CACNA2D3: variants seen among roughly 807,000 people sequenced by gnomAD.
The protein encoded by CACNA2D3 is calcium voltage-gated channel auxiliary subunit alpha2delta 3.
A neutral mutation model predicts 160.6 loss-of-function variants in CACNA2D3; 60 were observed. The observed-to-expected ratio is 0.37, with a 90% CI of 0.30 to 0.46. CACNA2D3 has a LOEUF of 0.46. Among genes scored for constraint, CACNA2D3 ranks in the 20% least tolerant of loss-of-function variants. The pLI is 1.00. For synonymous variants in CACNA2D3, 558 were observed against 492.9 expected (o/e 1.13, Z -1.75); for missense variants, 1,205 against 1,365.0 (o/e 0.88, Z 1.85).
intron 17 of CACNA2D3, among the ~76,000 whole-genome samples, chr3:54,858,674 A>T (rs1467346607): frequency 6.6e-6 from 1 of 152,142 alleles, no homozygotes; most frequent in Non-Finnish European, 1.5e-5. Flanking sequence ...AGACTTTCCC[A>T]AAGAGCACAT....
chr3:54,458,153 T>C lies in CACNA2D3; in HGVS notation c.382-45339T>C, dbSNP rs7650229. The stretch of plus-strand genomic sequence containing the variant: ...GTTTTTGATAAGTTTTTGATATCCT[T>C]TGTTCCTTTCTTTCTCTCATTGCTT... On this transcript the variant is annotated intron_variant, in intron 4 of 37. Coordinates refer to ENST00000474759, the MANE Select transcript of CACNA2D3 (RefSeq NM_018398.3). Among the ~76,000 whole-genome samples the C allele has an allele frequency of 5.6e-3, 860 of 152,232 alleles. 13 individuals carry two copies. Among genetic ancestry groups the C allele is most frequent in the African/African-American group, 0.02 (824 of 41,564 alleles).
intron 4 of CACNA2D3, among the ~76,000 whole-genome samples, chr3:54,445,865 A>C (rs140606903): frequency 1.1e-4 from 17 of 152,288 alleles, no homozygotes; most frequent in African/African-American, 3.6e-4. Flanking sequence ...GATGTTTATA[A>C]GACCTCTCAT....
intron 3 of CACNA2D3, among the ~76,000 whole-genome samples, chr3:54,340,956 T>C (rs1326299448): frequency 6.6e-6 from 1 of 152,108 alleles, no homozygotes; most frequent in Non-Finnish European, 1.5e-5. Flanking sequence ...TCTGTTTCCA[T>C]TTTCTCTTTT....
At chr3:54,452,923 G>A (rs965424893) in intron 4 of CACNA2D3, among the ~76,000 whole-genome samples, 2 of 151,820 alleles carry the variant, frequency 1.3e-5, no homozygotes, top group South Asian at 2.1e-4. Flanking sequence ...ATCTTCCCTC[G>A]GTGTTCGTCT....
chr3:54,451,900 G>T (rs928458428), intron 4 of CACNA2D3, among the ~76,000 whole-genome samples: 6 of 152,262 alleles, frequency 3.9e-5, no homozygotes, highest in African/African-American at 1.2e-4. Context: ...ATACCACTCT[G>T]TATCTCAATA....
intron 3 of CACNA2D3, among the ~76,000 whole-genome samples, chr3:54,325,034 G>A (rs960601993): frequency 6.6e-6 from 1 of 152,184 alleles, no homozygotes; most frequent in African/African-American, 2.4e-5. Flanking sequence ...GGGTTATATT[G>A]CATGACCTTG....
chr3:54,465,520 T>A (rs530448747), intron 4 of CACNA2D3, among the ~76,000 whole-genome samples: 1 of 152,328 alleles, frequency 6.6e-6, no homozygotes, highest in Non-Finnish European at 1.5e-5. Context: ...AGGCATCCAC[T>A]GGGAGTCTTG....
chr3:54,780,310 A>G (rs1702507527), intron 13 of CACNA2D3, among the ~76,000 whole-genome samples: 1 of 152,258 alleles, frequency 6.6e-6, no homozygotes, highest in South Asian at 2.1e-4. Context: ...TTGAAGGAAG[A>G]ACAGGGACAT....
At chr3:54,453,146 C>A (rs145988060) in intron 4 of CACNA2D3, among the ~76,000 whole-genome samples, 4 of 152,016 alleles carry the variant, frequency 2.6e-5, no homozygotes, top group African/African-American at 9.7e-5. Context: ...TATGCACCAC[C>A]ACACCCAGCT....
At chr3:54,681,276 C>G (rs994397728) in intron 11 of CACNA2D3, among the ~76,000 whole-genome samples, 14 of 150,340 alleles carry the variant, frequency 9.3e-5, no homozygotes, top group South Asian at 2.1e-4. Flanking sequence ...GTGGCTCACA[C>G]CTGTAATCCC....
At chr3:54,478,228 C>G (rs1367811110) in intron 4 of CACNA2D3, among the ~76,000 whole-genome samples, 1 of 152,010 alleles carries the variant, frequency 6.6e-6, no homozygotes, top group African/African-American at 2.4e-5. Context: ...TAATTAATGA[C>G]TAGAGCAAGT....
At chr3:54,774,824 CAG>C (rs959846637) in intron 13 of CACNA2D3, among the ~76,000 whole-genome samples, 57 of 151,734 alleles carry the variant, frequency 3.8e-4, no homozygotes, top group African/African-American at 1.3e-3. Context: ...TTAGTAGAGA[CAG>C]GGTTTCACCA....
chr3:54,678,450 C>T (rs779436132), intron 11 of CACNA2D3, among the ~76,000 whole-genome samples: 7 of 152,110 alleles, frequency 4.6e-5, no homozygotes, highest in South Asian at 2.1e-4. Context: ...TGGCCGGGCG[C>T]GGTGGCTCAC....
chr3:54,792,151 A>T (rs61694053), intron 13 of CACNA2D3, among the ~76,000 whole-genome samples: 1 of 152,172 alleles, frequency 6.6e-6, no homozygotes, highest in Non-Finnish European at 1.5e-5. Context: ...TTTTCCCAGA[A>T]CATGGCAGGT....
At chr3:54,594,826 G>T (rs1702921386) in intron 9 of CACNA2D3, among the ~76,000 whole-genome samples, 1 of 152,172 alleles carries the variant, frequency 6.6e-6, no homozygotes, top group Admixed American at 6.5e-5. Flanking sequence ...AGATGTATTT[G>T]TCAGCTGAGT....
chr3:55,021,621 G>A (rs1374459636), intron 35 of CACNA2D3, among the ~76,000 whole-genome samples: 26 of 137,178 alleles, frequency 1.9e-4, no homozygotes, highest in African/African-American at 7.0e-4. Context: ...ATATATGTGT[G>A]TGTGTATATA....
intron 4 of CACNA2D3, among the ~76,000 whole-genome samples, chr3:54,436,563 T>C (rs1049300569): frequency 6.6e-6 from 1 of 151,908 alleles, no homozygotes; most frequent in Non-Finnish European, 1.5e-5. Context: ...CTAAAGAAAA[T>C]GTGGCACATA....
At chr3:54,454,475 AC>A (rs1700362866) in intron 4 of CACNA2D3, among the ~76,000 whole-genome samples, 1 of 152,166 alleles carries the variant, frequency 6.6e-6, no homozygotes, top group Admixed American at 6.5e-5. Flanking sequence ...TTTATAATTG[AC>A]ACATAATAAT....
At chr3:54,957,724 C>G (rs775897377) in intron 27 of CACNA2D3, among the ~76,000 whole-genome samples, 1 of 152,024 alleles carries the variant, frequency 6.6e-6, no homozygotes, top group Non-Finnish European at 1.5e-5. Flanking sequence ...CAAGATCACA[C>G]CTCTCCATCC....
Sources: gnomAD v4.1 joint callset for allele counts (sites outside exome capture counted in the v4.1 genomes callset) on GRCh38, gnomAD v4.1.1 for gene constraint, MANE v1.5 for transcripts, NCBI Gene and HGNC (gene_info 2026-07-23, HGNC 2026-07-21) for gene names.